Variants in PIK3C2G observed in about 807,000 individuals in gnomAD.
PIK3C2G encodes the protein phosphatidylinositol 3-kinase C2 domain-containing subunit gamma.
A neutral mutation model predicts 181.1 loss-of-function variants in PIK3C2G; 168 were observed. That is an observed-to-expected ratio of 0.93 (90% confidence interval 0.82 to 1.05). The LOEUF is 1.05. Among genes scored for constraint, PIK3C2G ranks in the 50% least tolerant of loss-of-function variants. The probability of loss-of-function intolerance (pLI) is 0.00; values close to 1 mark genes in which losing one functional copy is unlikely to be tolerated. For synonymous variants in PIK3C2G, 573 were observed against 592.2 expected (o/e 0.97, Z 0.47); for missense variants, 1,869 against 1,732.8 (o/e 1.08, Z -1.40).
chr12:18,305,321 C>T (rs1224573554), intron 5 of PIK3C2G, among the ~76,000 whole-genome samples: 1 of 142,618 alleles, frequency 7.0e-6, no homozygotes, highest in Non-Finnish European at 1.6e-5. Flanking sequence ...AAAATGACAG[C>T]ATATTTCAGC....
At chr12:18,375,057 G>A (rs373173046) in intron 13 of PIK3C2G, among the ~76,000 whole-genome samples, 7 of 152,260 alleles carry the variant, frequency 4.6e-5, no homozygotes, top group South Asian at 2.1e-4. Context: ...CCAGAAAGTC[G>A]GTACCAGGAG....
At chr12:18,701,391 T>G in the PIK3C2G span, 2 of 1,554,516 alleles carry the variant, frequency 1.3e-6, no homozygotes, top group South Asian at 2.4e-5. Context: ...TAGACTAGAG[T>G]TTTTATAAGA....
At chr12:18,699,904 T>C in the PIK3C2G span, 1 of 1,612,592 alleles carries the variant, frequency 6.2e-7, no homozygotes. Flanking sequence ...AGCTTTCGTA[T>C]AAATGACAAG....
At chr12:18,588,494 T>TA (rs1203031471) in intron 29 of PIK3C2G, among the ~76,000 whole-genome samples, 2 of 152,086 alleles carry the variant, frequency 1.3e-5, no homozygotes, top group African/African-American at 4.8e-5. Context: ...TAGGAAAAAT[T>TA]ACTCATATCA....
At chr12:18,282,908 T>A (rs1309644251) in intron 2 of PIK3C2G, 149 bp downstream of exon 2, 12 of 467,058 alleles carry the variant, frequency 2.6e-5, no homozygotes, top group African/African-American at 4.0e-5. Flanking sequence ...AATGATGTGT[T>A]CTTGTATTAA....
chr12:18,721,632 G>C, the PIK3C2G span, among the ~76,000 whole-genome samples: 2 of 151,662 alleles, frequency 1.3e-5, no homozygotes, highest in Middle Eastern at 3.4e-3. Flanking sequence ...CTGTAAACTG[G>C]TTGTTTCCAG....
At chr12:18,487,644 T>A (rs1940181794) in intron 18 of PIK3C2G, among the ~76,000 whole-genome samples, 1 of 152,136 alleles carries the variant, frequency 6.6e-6, no homozygotes, top group East Asian at 1.9e-4. Flanking sequence ...TGCTCCATTA[T>A]CTTGCAATGT....
chr12:18,387,766 T>C (rs1274230082), intron 14 of PIK3C2G, among the ~76,000 whole-genome samples: 1 of 152,234 alleles, frequency 6.6e-6, no homozygotes, highest in Non-Finnish European at 1.5e-5. Context: ...GAAGGTATTA[T>C]ATCACAAACA....
intron 16 of PIK3C2G, among the ~76,000 whole-genome samples, chr12:18,410,392 C>T (rs1038087012): frequency 2.6e-5 from 4 of 151,472 alleles, no homozygotes; most frequent in Non-Finnish European, 5.9e-5. Flanking sequence ...GTAGTCCCAG[C>T]TACTCAAGAG....
intron 6 of PIK3C2G, among the ~76,000 whole-genome samples, chr12:18,318,715 T>C (rs534789372): frequency 3.3e-5 from 5 of 151,804 alleles, no homozygotes; most frequent in Non-Finnish European, 7.4e-5. Flanking sequence ...TCTTAGATAA[T>C]ATTTTTATTT....
intron 29 of PIK3C2G, among the ~76,000 whole-genome samples, chr12:18,568,384 TTGTGTG>T (rs56936466): frequency 6.2e-5 from 9 of 145,826 alleles, no homozygotes; most frequent in Admixed American, 1.4e-4. Context: ...ACCAACAAAA[TTGTGTG>T]TGTGTGTGTG....
At chr12:18,559,450 C>T (rs1299129316) in intron 26 of PIK3C2G, among the ~76,000 whole-genome samples, 1 of 151,876 alleles carries the variant, frequency 6.6e-6, no homozygotes, top group Non-Finnish European at 1.5e-5. Context: ...GAGCAGTACT[C>T]CAAAAGAGTC....
intron 25 of PIK3C2G, among the ~76,000 whole-genome samples, chr12:18,545,576 T>G (rs1053996218): frequency 6.6e-6 from 1 of 151,872 alleles, no homozygotes; most frequent in African/African-American, 2.4e-5. Context: ...AAAAGTAGTC[T>G]AAAGAGATTA....
chr12:18,723,269 C>A, the PIK3C2G span: 1 of 1,509,372 alleles, frequency 6.6e-7, no homozygotes, highest in African/African-American at 1.4e-5. Flanking sequence ...AAAAATACTT[C>A]ACATATAAAT....
intron 16 of PIK3C2G, among the ~76,000 whole-genome samples, chr12:18,410,942 A>T (rs112879914): frequency 1.3e-5 from 2 of 152,310 alleles, no homozygotes; most frequent in African/African-American, 4.8e-5. Context: ...TGTAAATAGC[A>T]ATTTTAATTC....
rs1228779085 is a variant in PIK3C2G, at chr12:18,467,245, C to T, written c.2505-21204C>T. On this transcript the variant is annotated intron_variant, in intron 18 of 32. Coordinates refer to ENST00000538779, the MANE Select transcript of PIK3C2G (RefSeq NM_001288772.2). The stretch of plus-strand genomic sequence containing the variant: ...CAAATCAATATTAAATATACAGACA[C>T]AGCTTCAGAGAATTGATTCTACTCC... Among the ~76,000 whole-genome samples the T allele has an allele frequency of 2.0e-5, 3 of 151,974 alleles. No individual in the cohort carries two copies. The South Asian group carries it at 6.2e-4, about 31-fold the overall frequency.
chr12:18,256,738 A>T (rs1948149633), upstream of PIK3C2G, among the ~76,000 whole-genome samples: 1 of 152,170 alleles, frequency 6.6e-6, no homozygotes, highest in South Asian at 2.1e-4. Context: ...TCATAAAGTA[A>T]TGAGAATTAC....
At chr12:18,307,571 G>T (rs1950471551) in intron 5 of PIK3C2G, among the ~76,000 whole-genome samples, 1 of 151,786 alleles carries the variant, frequency 6.6e-6, no homozygotes, top group African/African-American at 2.4e-5. Flanking sequence ...TCCCAGTGTG[G>T]CCTTTTCTTA....
Position 18,479,040 on chromosome 12 carries a change from T to G in PIK3C2G, c.2505-9409T>G, listed in dbSNP as rs138423200. On this transcript the variant is annotated intron_variant, in intron 18 of 32. Transcript: ENST00000538779. ...TTATATACACACACACATATATACA[T>G]TATACATATATACGTATACATATAT... Among the ~76,000 whole-genome samples, 1,084 of 148,782 alleles carry G rather than the reference T, an allele frequency of 7.3e-3. 4 individuals are homozygous for G. Among genetic ancestry groups the G allele is most frequent in the Non-Finnish European group, 0.01 (685 of 67,370 alleles).
Sources: allele counts gnomAD v4.1 joint callset (sites outside exome capture counted in the v4.1 genomes callset), GRCh38; gene constraint gnomAD v4.1.1; transcripts MANE v1.5; gene names NCBI Gene and HGNC (gene_info 2026-07-23, HGNC 2026-07-21).